Variants in TIMM23 observed in about 807,000 individuals in gnomAD.
TIMM23 encodes the protein translocase of inner mitochondrial membrane 23.
In TIMM23, 19 loss-of-function variants were observed where a neutral mutation model predicts 30.7. The ratio of observed to expected loss-of-function variants is 0.62; its 90% CI spans 0.43 to 0.91. The LOEUF (loss-of-function observed/expected upper bound fraction) is 0.91. Ranked by LOEUF, TIMM23 falls within the 40% of genes least tolerant of loss-of-function variation. The pLI is 0.00. For synonymous variants in TIMM23, 78 were observed against 98.5 expected (o/e 0.79, Z 1.23); for missense variants, 202 against 269.2 (o/e 0.75, Z 1.75).
chr10:45,994,437 C>T (rs1349732562), intron 6 of TIMM23, among the ~76,000 whole-genome samples: 1 of 135,430 alleles, frequency 7.4e-6, no homozygotes, highest in Non-Finnish European at 1.6e-5. Context: ...TAAAATAGCT[C>T]TGTACCTACT....
At chr10:45,983,894 C>T (rs1186855556) in intron 4 of TIMM23, among the ~76,000 whole-genome samples, 21 of 152,120 alleles carry the variant, frequency 1.4e-4, no homozygotes, top group Admixed American at 1.2e-3. Flanking sequence ...CAGGCACATG[C>T]CACCATGCCC....
intron 2 of TIMM23, among the ~76,000 whole-genome samples, chr10:45,981,417 G>A (rs1454992854): frequency 1.3e-5 from 2 of 151,230 alleles, no homozygotes; most frequent in Non-Finnish European, 2.9e-5. Flanking sequence ...AAAAGTTGAA[G>A]TACCCAAAAT....
chr10:45,982,986 A>G (rs1291909472), intron 4 of TIMM23, 56 bp downstream of exon 4: 2 of 1,610,008 alleles, frequency 1.2e-6, no homozygotes, highest in Non-Finnish European at 1.7e-6. Context: ...GCTCTGTTGT[A>G]TTGGTTTGAT....
At chr10:45,994,386 C>G (rs1480770420) in intron 6 of TIMM23, among the ~76,000 whole-genome samples, 72 of 143,886 alleles carry the variant, frequency 5.0e-4, no homozygotes, top group Middle Eastern at 6.8e-3. Flanking sequence ...AAATTACTCT[C>G]TATCTGACAG....
At chr10:45,980,789 A>G (rs1410036759) in intron 2 of TIMM23, among the ~76,000 whole-genome samples, 16 of 152,052 alleles carry the variant, frequency 1.1e-4, no homozygotes, top group South Asian at 2.1e-4. Flanking sequence ...CTTTGATAAC[A>G]ACCTTGTTTG....
At chr10:46,001,243 T>C (rs1315827858) in intron 6 of TIMM23, among the ~76,000 whole-genome samples, 3 of 152,218 alleles carry the variant, frequency 2.0e-5, no homozygotes, top group African/African-American at 7.2e-5. Flanking sequence ...TTGCTGTGCC[T>C]ACAGTCTGAA....
chr10:45,974,582 A>G (rs587776154), intron 1 of TIMM23, among the ~76,000 whole-genome samples: 1 of 152,334 alleles, frequency 6.6e-6, no homozygotes, highest in East Asian at 1.9e-4. Context: ...AAGTTATGGT[A>G]AGGAGTTTCG....
At chr10:45,988,382 GT>G (rs1325708244) in intron 5 of TIMM23, among the ~76,000 whole-genome samples, 2 of 152,112 alleles carry the variant, frequency 1.3e-5, no homozygotes, top group African/African-American at 4.8e-5. Flanking sequence ...TTTATGGCCA[GT>G]TCCAAGACAG....
At chr10:45,999,114 G>A (rs1321938341) in intron 6 of TIMM23, among the ~76,000 whole-genome samples, 1 of 151,970 alleles carries the variant, frequency 6.6e-6, no homozygotes, top group South Asian at 2.1e-4. Flanking sequence ...ATTACAGGCC[G>A]TGAGCCACCA....
chr10:45,990,767 T>C (rs1212957839), intron 6 of TIMM23: 7 of 396,314 alleles, frequency 1.8e-5, no homozygotes, highest in Non-Finnish European at 3.4e-5. Context: ...TAAATAATAT[T>C]ATTATCTTGA....
intron 4 of TIMM23, among the ~76,000 whole-genome samples, chr10:45,985,042 G>A (rs1408184278): frequency 5.3e-5 from 8 of 152,040 alleles, no homozygotes; most frequent in African/African-American, 1.7e-4. Flanking sequence ...GTAAACCTCT[G>A]TAAGATACAT....
intron 1 of TIMM23, among the ~76,000 whole-genome samples, chr10:45,975,204 T>A (rs1837631022): frequency 6.6e-6 from 1 of 152,230 alleles, no homozygotes; most frequent in Non-Finnish European, 1.5e-5. Flanking sequence ...AAATCAGATC[T>A]ATGACACTGC....
At chr10:45,984,610 T>C (rs1837945452) in intron 4 of TIMM23, 1 of 157,980 alleles carries the variant, frequency 6.3e-6, no homozygotes, top group Non-Finnish European at 1.4e-5. Flanking sequence ...TTCCATAATT[T>C]CCAGCAGTAG....
intron 6 of TIMM23, among the ~76,000 whole-genome samples, chr10:45,993,622 C>A (rs1838238191): frequency 6.6e-6 from 1 of 151,800 alleles, no homozygotes; most frequent in African/African-American, 2.4e-5. Flanking sequence ...GTGGCACACT[C>A]CAGCCTGGGC....
chr10:45,973,810 AT>A (rs35822209), intron 1 of TIMM23, among the ~76,000 whole-genome samples: 31,040 of 143,314 alleles, frequency 0.22, 4,824 homozygotes, highest in African/African-American at 0.46. Context: ...CGCCTGGCTA[AT>A]TTTTTTTTTT....
chr10:45,991,154 GAATGGACTGAA>G (rs1452635678), intron 6 of TIMM23, among the ~76,000 whole-genome samples: 2 of 152,170 alleles, frequency 1.3e-5, no homozygotes, highest in Non-Finnish European at 2.9e-5. Context: ...CAGACCTTAA[GAATGGACTGAA>G]TTTTCTGATG....
intron 6 of TIMM23, chr10:45,990,646 C>T: frequency 4.8e-6 from 2 of 415,864 alleles, no homozygotes; most frequent in South Asian, 1.8e-5. Context: ...TGGTCTTGAA[C>T]TCCTGGGCTC....
chr10:45,998,357 C>T, intron 6 of TIMM23: 1 of 984,858 alleles, frequency 1.0e-6, no homozygotes, highest in Non-Finnish European at 1.2e-6. Flanking sequence ...TTGCCTATCG[C>T]TTTGGAAGAA....
intron 2 of TIMM23, among the ~76,000 whole-genome samples, chr10:45,982,259 CTT>C (rs1837873222): frequency 1.3e-5 from 2 of 152,188 alleles, no homozygotes; most frequent in Non-Finnish European, 1.5e-5. Flanking sequence ...TTTCTAAACA[CTT>C]TTGCACAAAT....
Sources: gnomAD v4.1 joint callset for allele counts (sites outside exome capture counted in the v4.1 genomes callset) on GRCh38, gnomAD v4.1.1 for gene constraint, MANE v1.5 for transcripts, NCBI Gene and HGNC (gene_info 2026-07-23, HGNC 2026-07-21) for gene names.